The following NCALD variants were observed in gnomAD, a reference collection of about 807,000 sequenced individuals.
The protein encoded by NCALD is neurocalcin-delta.
A neutral mutation model predicts 18.6 loss-of-function variants in NCALD; 10 were observed. The ratio of observed to expected loss-of-function variants is 0.54; its 90% CI spans 0.33 to 0.91. NCALD has a LOEUF of 0.91. NCALD is among the 40% of genes least tolerant of loss of function. The pLI, the probability that NCALD is intolerant of heterozygous loss-of-function variation, is 0.03. For missense variants in NCALD, 184 were observed against 247.6 expected (o/e 0.74, Z 1.72); for synonymous variants, 88 against 87.4 (o/e 1.01, Z -0.04).
At chr8:101,763,098 T>C (rs1458068487) in intron 1 of NCALD, among the ~76,000 whole-genome samples, 1 of 152,212 alleles carries the variant, frequency 6.6e-6, no homozygotes, top group Admixed American at 6.5e-5. Flanking sequence ...GTATACTACA[T>C]ATCAGGCACT....
intron 1 of NCALD, among the ~76,000 whole-genome samples, chr8:101,774,626 T>C (rs1811717031): frequency 6.6e-6 from 1 of 152,182 alleles, no homozygotes; most frequent in Non-Finnish European, 1.5e-5. Flanking sequence ...AGCGCCTGCT[T>C]GTCACATCTT....
intron 1 of NCALD, among the ~76,000 whole-genome samples, chr8:102,120,606 G>T (rs1288130459): frequency 4.6e-5 from 7 of 152,194 alleles, no homozygotes. Flanking sequence ...CAATGTTTGA[G>T]GCCTGAATCA....
intron 2 of NCALD, among the ~76,000 whole-genome samples, chr8:101,966,025 T>C (rs1820012729): frequency 6.6e-6 from 1 of 152,070 alleles, no homozygotes; most frequent in Non-Finnish European, 1.5e-5. Flanking sequence ...ATTCTTGCCA[T>C]GATTATGACG....
intron 4 of NCALD, chr8:101,852,644 C>G (rs534918941): frequency 2.6e-5 from 4 of 152,334 alleles, no homozygotes; most frequent in African/African-American, 9.6e-5. Flanking sequence ...CCTCGCTGTA[C>G]TGGGGCAGCG....
intron 2 of NCALD, among the ~76,000 whole-genome samples, chr8:101,977,462 T>G (rs1820465752): frequency 6.6e-6 from 1 of 152,224 alleles, no homozygotes; most frequent in African/African-American, 2.4e-5. Flanking sequence ...CGAAGAAATT[T>G]TCTAAGTACT....
At chr8:101,842,343 G>C (rs201159858) in intron 4 of NCALD, among the ~76,000 whole-genome samples, 1 of 120,336 alleles carries the variant, frequency 8.3e-6, no homozygotes, top group Admixed American at 8.0e-5. Context: ...AAATAAAAAA[G>C]GAAAAAAAAA....
At chr8:102,093,956 A>C (rs16869080) in intron 1 of NCALD, among the ~76,000 whole-genome samples, 1 of 152,110 alleles carries the variant, frequency 6.6e-6, no homozygotes. Context: ...AGTGGCAAGA[A>C]TTCATCAGGG....
intron 4 of NCALD, among the ~76,000 whole-genome samples, chr8:101,818,058 A>G (rs1365433255): frequency 1.3e-5 from 2 of 152,178 alleles, no homozygotes; most frequent in Non-Finnish European, 2.9e-5. Flanking sequence ...AGGCCCTGGT[A>G]TGAGGACTTT....
intron 4 of NCALD, among the ~76,000 whole-genome samples, chr8:101,863,341 G>C (rs999650000): frequency 6.6e-6 from 1 of 152,150 alleles, no homozygotes; most frequent in African/African-American, 2.4e-5. Context: ...GCAGGGATGA[G>C]GTTTCTTTCC....
intron 1 of NCALD, among the ~76,000 whole-genome samples, chr8:101,759,821 G>A (rs16868362): frequency 0.052 from 7,913 of 152,168 alleles, 504 homozygotes; most frequent in African/African-American, 0.14. Context: ...TCTGTCATTC[G>A]GGGCATCAGA....
At chr8:102,118,378 T>C (rs1825850972) in intron 1 of NCALD, among the ~76,000 whole-genome samples, 1 of 152,254 alleles carries the variant, frequency 6.6e-6, no homozygotes, top group Admixed American at 6.5e-5. Flanking sequence ...TCCCTGATCT[T>C]ACCCGCACCT....
At chr8:101,857,366 T>C (rs975587907) in intron 4 of NCALD, among the ~76,000 whole-genome samples, 3 of 152,184 alleles carry the variant, frequency 2.0e-5, no homozygotes, top group Admixed American at 6.5e-5. Flanking sequence ...AGTCTAATAC[T>C]GACACAGCCA....
At chr8:101,913,425 G>C (rs1464587958) in intron 3 of NCALD, among the ~76,000 whole-genome samples, 1 of 152,180 alleles carries the variant, frequency 6.6e-6, no homozygotes, top group Non-Finnish European at 1.5e-5. Context: ...TTCTCCATGA[G>C]TGAGTCTTGA....
intron 4 of NCALD, among the ~76,000 whole-genome samples, chr8:101,860,844 T>C (rs1815511973): frequency 6.6e-6 from 1 of 152,138 alleles, no homozygotes; most frequent in Non-Finnish European, 1.5e-5. Flanking sequence ...ATATGCAGAC[T>C]GTTTAGAAAT....
intron 1 of NCALD, among the ~76,000 whole-genome samples, chr8:102,101,247 G>A (rs1825270187): frequency 6.6e-6 from 1 of 152,170 alleles, no homozygotes; most frequent in South Asian, 2.1e-4. Context: ...GGCAGGAACT[G>A]GACCCAGTAT....
chr8:102,106,272 C>T (rs535421218), intron 1 of NCALD, among the ~76,000 whole-genome samples: 1 of 151,762 alleles, frequency 6.6e-6, no homozygotes, highest in South Asian at 2.1e-4. Flanking sequence ...GGTGGTTTCA[C>T]CATGTTGGCC....
At chr8:102,121,278 T>C (rs1825937376) in intron 1 of NCALD, among the ~76,000 whole-genome samples, 1 of 152,180 alleles carries the variant, frequency 6.6e-6, no homozygotes, top group Admixed American at 6.5e-5. Context: ...TTGCTCTCGG[T>C]TGTACAAAAA....
intron 1 of NCALD, among the ~76,000 whole-genome samples, chr8:101,743,359 G>T (rs1336243960): frequency 1.3e-5 from 2 of 152,090 alleles, no homozygotes; most frequent in East Asian, 3.9e-4. Flanking sequence ...TTATACAAAA[G>T]TTGTGATATC....
At chr8:101,715,028 G>A (rs1388869757) in intron 2 of NCALD, among the ~76,000 whole-genome samples, 1 of 151,052 alleles carries the variant, frequency 6.6e-6, no homozygotes, top group East Asian at 1.9e-4. Flanking sequence ...AACAAAGCTG[G>A]AGGCATCATG....
Sources: allele counts gnomAD v4.1 joint callset (sites outside exome capture counted in the v4.1 genomes callset), GRCh38; gene constraint gnomAD v4.1.1; transcripts MANE v1.5; gene names NCBI Gene and HGNC (gene_info 2026-07-23, HGNC 2026-07-21).